Variants in ADAMTSL5 observed in about 807,000 individuals in gnomAD.
The protein encoded by ADAMTSL5 is ADAMTS like 5.
ADAMTSL5 carries 53 observed loss-of-function variants against 51.7 expected under a neutral mutation model. That is an observed-to-expected ratio of 1.03 (90% CI 0.82 to 1.29). The LOEUF (loss-of-function observed/expected upper bound fraction) is 1.29, where lower values mean the gene tolerates loss of function less well. ADAMTSL5 is among the 50% of genes most tolerant of loss of function. The pLI, the probability that ADAMTSL5 is intolerant of heterozygous loss-of-function variation, is 0.00. For synonymous variants in ADAMTSL5, 285 were observed against 278.7 expected (o/e 1.02, Z -0.23); for missense variants, 770 against 676.2 (o/e 1.14, Z -1.54).
rs757052752 is a variant in ADAMTSL5 at position 1,510,373 on chromosome 19, A to C, written c.247T>G (p.Leu83Val). 3.7e-6 allele frequency: 6 copies of C among 1,613,494 alleles called. No homozygotes were observed. The highest frequency in any genetic ancestry group is 5.1e-6 in the Non-Finnish European group (6 of 1,179,912). ...GDSHEYRLCQLPDCPPGAVPF... is the reference protein window; with the variant it reads ...GDSHEYRLCQVPDCPPGAVPF... ...GGGAGGTGGGCAGGGCTTACTGGCAACTGGCAGAGGCGGTACTCATGGGAG... is the reference window on the plus strand; with the variant it reads ...GGGAGGTGGGCAGGGCTTACTGGCACCTGGCAGAGGCGGTACTCATGGGAG... The change falls in exon 4 of 12, where the codon TTG becomes GTG. Residue 83 changes from leucine (L) to valine (V), a missense_variant. Transcript: ENST00000330475.
Position 1,507,323 on chromosome 19 carries a change from C to A in ADAMTSL5, c.771G>T (p.Thr257=). ...SPPGTYEAAG[T]HVVYTRDTGP... ...CTGTGTCTCGGGTGTAGACCACATG[C>A]GTGCCGGCCGCCTCGTAGGTCCCTG... Residue 257 remains threonine (T), a synonymous_variant, in exon 9 of 12, where the codon ACG becomes ACT. Transcript: ENST00000330475. 6.3e-7 allele frequency: 1 copy of A among 1,595,304 alleles called. No individual in the cohort carries two copies. Among genetic ancestry groups the A allele is most frequent in the African/African-American group, 1.3e-5 (1 of 74,372 alleles).
chr19:1,512,789 T>TG (rs1223081709), intron 1 of ADAMTSL5, among the ~76,000 whole-genome samples, 174 bp downstream of exon 1: 4 of 151,504 alleles, frequency 2.6e-5, no homozygotes, highest in African/African-American at 4.8e-5. Flanking sequence ...TGGTGAAAAG[T>TG]GGGGGGCTAC....
chr19:1,510,419 C>T lies in ADAMTSL5; in HGVS notation c.201G>A (p.Gly67=), dbSNP rs1206213690. Residue 67 remains glycine (G), a synonymous_variant, in exon 4 of 12, where the codon GGG becomes GGA. Coordinates refer to ENST00000330475, the MANE Select transcript of ADAMTSL5 (RefSeq NM_213604.3). ...GGGAGTCTCCCCAGCACGGTTCTTC[C>T]CCAGGAAGCCTGAAGGGAGACAGAG... ...VRSRRCLRLP[G]EEPCWGDSHE... The T allele has an allele frequency of 3.7e-6, 6 of 1,611,272 alleles. No individual in the cohort carries two copies. The highest frequency in any genetic ancestry group is 1.1e-5 in the South Asian group (1 of 90,842).
chr19:1,508,482 G>A lies in ADAMTSL5; in HGVS notation c.450C>T (p.Ser150=), dbSNP rs762905162. 3.2e-6 allele frequency: 5 copies of A among 1,584,372 alleles called. No individual in the cohort carries two copies. The highest frequency in any genetic ancestry group is 4.3e-6 in the Non-Finnish European group (5 of 1,172,106). The change falls in exon 6 of 12, where the codon AGC becomes AGT. Residue 150 remains serine (S), a synonymous_variant. Transcript: ENST00000330475. Reference sequence around the variant, plus strand: ...CCACGCAGACCCCCTGGGCACCCGGGCTGCAGGCGGTGCCGTCCAGGACGC... The same window carrying A: ...CCACGCAGACCCCCTGGGCACCCGGACTGCAGGCGGTGCCGTCCAGGACGC... ...FGRVLDGTAC[S]PGAQGVCVAG...
intron 3 of ADAMTSL5, 102 bp from the exon 4 acceptor site, chr19:1,510,530 CA>C (rs1479012156): frequency 3.7e-5 from 56 of 1,498,388 alleles, no homozygotes; most frequent in Admixed American, 6.1e-5. Flanking sequence ...CCAGCGGGAT[CA>C]GGGGGATTAA....
rs981672997 is a variant in ADAMTSL5 at position 1,505,410 on chromosome 19, G to A, written c.*605C>T. The stretch of plus-strand genomic sequence containing the variant: ...AGGAGCAAGCACGTGTTGATGGGTG[G>A]AAATCCAGCCAGAAATGCTGAGGCT... On this transcript the variant is annotated 3_prime_UTR_variant, in exon 12 of 12. Transcript: ENST00000330475. The A allele has an allele frequency of 2.6e-5, 4 of 152,146 alleles. No homozygotes were observed. The highest frequency in any genetic ancestry group is 5.9e-5 in the Non-Finnish European group (4 of 68,066). The allele number at this position is 152,146 out of a possible 1,614,324, so 9.4% of individuals were successfully genotyped here. A position where few individuals can be genotyped will look rare whatever the true frequency, so the allele number is the denominator to read the frequency against.
rs1163742166 is a variant in ADAMTSL5, at chr19:1,507,642, A to G, written c.603T>C (p.Gly201=). The change falls in exon 8 of 12, where the codon GGT becomes GGC. Residue 201 remains glycine (G), a splice_region_variant and synonymous_variant. Coordinates refer to ENST00000330475, the MANE Select transcript of ADAMTSL5 (RefSeq NM_213604.3). The part of the protein sequence containing the change: ...LFVQRVFRDA[G]AFAGYWNVTL... The stretch of plus-strand genomic sequence containing the variant: ...TCACGTTCCAGTACCCAGCGAAGGC[A>G]CCTGGGTGGGAGGGTAGGAGGGTGT... The G allele has an allele frequency of 6.2e-7, 1 of 1,613,250 alleles. No homozygotes were observed. The highest frequency in any genetic ancestry group is 1.3e-5 in the African/African-American group (1 of 74,892).
Position 1,506,350 on chromosome 19 carries a change from T to C in ADAMTSL5, c.1115-34A>G. The stretch of plus-strand genomic sequence containing the variant: ...GGGACGTGCTAAGCTGGCTGGCTGC[T>C]CAACTCTGCGCAAATCTCTACGCCC... On this transcript the variant is annotated intron_variant, in intron 11 of 11. Transcript: ENST00000330475. This position sits in a 1 kb window ranked among gnomAD's most constrained non-coding sequence, Gnocchi z 5.6. The C allele has an allele frequency of 1.9e-6, 3 of 1,538,646 alleles. No homozygotes were observed. The highest frequency in any genetic ancestry group is 2.6e-6 in the Non-Finnish European group (3 of 1,141,924).
chr19:1,507,614 G>C lies in ADAMTSL5; in HGVS notation c.631C>G (p.Leu211Val). 1 of 1,613,552 alleles carries C rather than the reference G, an allele frequency of 6.2e-7. No individual in the cohort carries two copies. Among genetic ancestry groups the C allele is most frequent in the Non-Finnish European group, 8.5e-7 (1 of 1,180,014 alleles). ...GAFAGYWNVT[L>V]IPEGARHIRV... ...ATGTGTCTGGCGCCCTCGGGGATCA[G>C]GGTCACGTTCCAGTACCCAGCGAAG... The change falls in exon 8 of 12, where the codon CTG (leucine) becomes GTG (valine). Residue 211 changes from leucine to valine, a missense_variant. Transcript: ENST00000330475.
chr19:1,506,844 G>A lies in ADAMTSL5; in HGVS notation c.937C>T (p.Gln313Ter). Residue 313 changes from glutamine to a stop codon, truncating the protein, a stop_gained, in exon 10 of 12, where the codon CAG becomes TAG. Transcript: ENST00000330475. LOFTEE classifies it high-confidence loss of function. The surrounding 1 kb of genome is among the most constrained non-coding windows in gnomAD (Gnocchi z 5.6). ...TGCCTCAGGGGCCAGCCCAGGGCCT[G>A]CACACGAGCCTGGAAGGGGCTGTAG... The part of the protein sequence containing the change: ...ERYSPFQARV[Q>*]ALGWPLRQPQ... 1 of 1,543,236 alleles carries A rather than the reference G, an allele frequency of 6.5e-7. No homozygotes were observed. The highest frequency in any genetic ancestry group is 1.2e-5 in the South Asian group (1 of 83,294).
At position 1,508,497 on chromosome 19, in the gene ADAMTSL5, G is replaced by A. The variant is rs767990290; in HGVS notation, c.435C>T (p.Asp145=). The A allele has an allele frequency of 7.6e-6, 12 of 1,587,108 alleles. No individual in the cohort carries two copies. Among genetic ancestry groups the A allele is most frequent in the Non-Finnish European group, 1.0e-5 (12 of 1,173,542 alleles). Residue 145 remains aspartate, a synonymous_variant, in exon 6 of 12, where the codon GAC becomes GAT. Coordinates refer to ENST00000330475, the MANE Select transcript of ADAMTSL5 (RefSeq NM_213604.3). ...AFYHSFGRVL[D]GTACSPGAQG... ...GGGCACCCGGGCTGCAGGCGGTGCC[G>A]TCCAGGACGCGGCCGAAGCTGTGGT... is the stretch of plus-strand genomic sequence containing the variant.
intron 3 of ADAMTSL5, 80 bp from the exon 4 acceptor site, chr19:1,510,508 C>A (rs1300017454): frequency 6.6e-7 from 1 of 1,514,932 alleles, no homozygotes; most frequent in African/African-American, 1.4e-5. Flanking sequence ...CCCCGCCAAC[C>A]CCACCCGCAT....
chr19:1,508,845 T>C, intron 5 of ADAMTSL5: 2 of 368,252 alleles, frequency 5.4e-6, no homozygotes, highest in Non-Finnish European at 9.7e-6. Flanking sequence ...TATTCATTTT[T>C]AACACCATTA....
Position 1,508,113 on chromosome 19 carries a change from A to C in ADAMTSL5, c.490-4T>G, listed in dbSNP as rs780323278. The C allele has an allele frequency of 6.2e-7, 1 of 1,606,162 alleles. No individual in the cohort carries two copies. Among genetic ancestry groups the C allele is most frequent in the South Asian group, 1.1e-5 (1 of 90,180 alleles). ...ACAACCCATCACAGCCGGCGCTCTAAAGGGTGAAGGACAGGCGCGGCGTCA... is the reference window on the plus strand; with the variant it reads ...ACAACCCATCACAGCCGGCGCTCTACAGGGTGAAGGACAGGCGCGGCGTCA... On this transcript the variant is annotated splice_region_variant and splice_polypyrimidine_tract_variant and intron_variant, in intron 6 of 11. Transcript: ENST00000330475.
In ADAMTSL5 at chr19:1,506,940, G is replaced by A; in HGVS notation, c.853-12C>T. ...TCCTGCAGGAGGACCTGGAGCAGGG[G>A]AGGGGACACAGGGAGCTTCACAGGA... On this transcript the variant is annotated splice_polypyrimidine_tract_variant and intron_variant, in intron 9 of 11. Coordinates refer to ENST00000330475, the MANE Select transcript of ADAMTSL5 (RefSeq NM_213604.3). This position sits in a 1 kb window ranked among gnomAD's most constrained non-coding sequence, Gnocchi z 5.6. 1 of 1,542,278 alleles carries A rather than the reference G, an allele frequency of 6.5e-7. No individual in the cohort carries two copies. Among genetic ancestry groups the A allele is most frequent in the Non-Finnish European group, 8.7e-7 (1 of 1,144,592 alleles).
chr19:1,511,399 C>T (rs1305879159), intron 1 of ADAMTSL5, among the ~76,000 whole-genome samples: 2 of 152,186 alleles, frequency 1.3e-5, no homozygotes, highest in Admixed American at 6.5e-5. Context: ...TCTCAACCTT[C>T]TGACCTGAAG....
chr19:1,510,485 T>A, intron 3 of ADAMTSL5, 57 bp from the exon 4 acceptor site: 1 of 1,543,730 alleles, frequency 6.5e-7, no homozygotes. Flanking sequence ...AGGGCTGGCC[T>A]TCCACCCTCC....
chr19:1,508,445 G>T lies in ADAMTSL5; in HGVS notation c.487C>A (p.Leu163Ile). 6.4e-7 allele frequency: 1 copy of T among 1,552,556 alleles called. No homozygotes were observed. The highest frequency in any genetic ancestry group is 2.4e-5 in the East Asian group (1 of 42,186). Reference sequence around the variant, plus strand: ...GGCGGGGCCTGACGAGTCCTTACAAGGCAGCGGCCAGCCACGCAGACCCCC... The same window carrying T: ...GGCGGGGCCTGACGAGTCCTTACAATGCAGCGGCCAGCCACGCAGACCCCC... ...AQGVCVAGRC[L>I]SAGCDGLLGS... is the part of the protein sequence containing the mutation. The change falls in exon 6 of 12, where the codon CTT becomes ATT. Residue 163 changes from leucine (L) to isoleucine (I), a missense_variant and splice_region_variant. Transcript: ENST00000330475.
In ADAMTSL5 at chr19:1,510,722, G is replaced by T; in HGVS notation, c.108C>A (p.Gly36=). The change falls in exon 3 of 12, where the codon GGC becomes GGA. Residue 36 remains glycine, a synonymous_variant. Coordinates refer to ENST00000330475, the MANE Select transcript of ADAMTSL5 (RefSeq NM_213604.3). ...CGLGVSAQGP[G]EWTPWVSWTR... is the part of the protein sequence containing the mutation. ...TCCAGGACACCCACGGGGTCCACTC[G>T]CCCGGACCCTACTTGGGGAGACAGA... 1 of 1,537,752 alleles carries T rather than the reference G, an allele frequency of 6.5e-7. No individual in the cohort carries two copies. Among genetic ancestry groups the T allele is most frequent in the Non-Finnish European group, 8.8e-7 (1 of 1,139,758 alleles).
Sources: allele counts gnomAD v4.1 joint callset (sites outside exome capture counted in the v4.1 genomes callset), GRCh38; gene constraint gnomAD v4.1.1; non-coding constraint Gnocchi (gnomAD v3.1); transcripts MANE v1.5; gene names NCBI Gene and HGNC (gene_info 2026-07-23, HGNC 2026-07-21).